Variants in ANKRD44 observed in about 807,000 individuals in gnomAD.
ANKRD44 encodes ankyrin repeat domain 44.
ANKRD44 carries 35 observed loss-of-function variants against 116.0 expected under a neutral mutation model. The ratio of observed to expected loss-of-function variants is 0.30; its 90% CI spans 0.23 to 0.40. ANKRD44 has a LOEUF of 0.40. Among genes scored for constraint, ANKRD44 ranks in the 10% least tolerant of loss-of-function variants. The pLI, the probability that ANKRD44 is intolerant of heterozygous loss-of-function variation, is 1.00. For missense variants in ANKRD44, 1,014 were observed against 1,242.6 expected, an observed-to-expected ratio of 0.82 and a Z score of 2.77; for synonymous variants, 435 against 461.8, an observed-to-expected ratio of 0.94 and a Z score of 0.74.
In ANKRD44 at chr2:197,036,835, C is replaced by G. The variant is rs545749429; in HGVS notation, c.1651-11568G>C. Among the ~76,000 whole-genome samples, 5 of 152,264 alleles carry G rather than the reference C, an allele frequency of 3.3e-5. No individual in the cohort carries two copies. The East Asian group carries it at 7.7e-4, about 24-fold the overall frequency. On this transcript the variant is annotated intron_variant, in intron 16 of 27. Coordinates refer to ENST00000282272, the MANE Select transcript of ANKRD44 (RefSeq NM_001195144.2). ...CCTAAAAATGTTCATATACTTTTGACCTAGTAAACCTACTTCAGAGACTCT... is the reference window on the plus strand; with the variant it reads ...CCTAAAAATGTTCATATACTTTTGAGCTAGTAAACCTACTTCAGAGACTCT...
chr2:197,156,642 A>T (rs2079823625), intron 2 of ANKRD44, among the ~76,000 whole-genome samples: 1 of 152,254 alleles, frequency 6.6e-6, no homozygotes, highest in Admixed American at 6.5e-5. Flanking sequence ...CCATACAGAG[A>T]CTTGCACATG....
rs1378293699 is a variant in ANKRD44, at chr2:197,201,772, C to T, written c.28-14666G>A. Among the ~76,000 whole-genome samples the T allele has an allele frequency of 1.3e-5, 2 of 152,186 alleles. No individual in the cohort carries two copies. The highest frequency in any genetic ancestry group is 2.9e-5 in the Non-Finnish European group (2 of 68,034). On this transcript the variant is annotated intron_variant, in intron 1 of 27. Coordinates refer to ENST00000282272, the MANE Select transcript of ANKRD44 (RefSeq NM_001195144.2). This position sits in a 1 kb window ranked among gnomAD's most constrained non-coding sequence, Gnocchi z 4.0. ...AGGTTTGGGCTTCTAATGATCCCAT[C>T]GCCCAAGTAGTGAACATAGTGCCCC... is the stretch of plus-strand genomic sequence containing the variant.
At chr2:197,008,071 T>C (rs1574263687) in intron 19 of ANKRD44, 148 bp from the exon 20 acceptor site, 1 of 619,646 alleles carries the variant, frequency 1.6e-6, no homozygotes, top group Admixed American at 2.7e-5. Context: ...CAGTTTGCTA[T>C]ACAATATGCA....
At chr2:197,205,630 G>C (rs989372934) in intron 1 of ANKRD44, among the ~76,000 whole-genome samples, 3 of 152,190 alleles carry the variant, frequency 2.0e-5, no homozygotes, top group Non-Finnish European at 4.4e-5. Context: ...TTCTCCAAGT[G>C]CCGATGGTGG....
chr2:197,175,273 T>G (rs929293481), intron 2 of ANKRD44, among the ~76,000 whole-genome samples: 1 of 152,144 alleles, frequency 6.6e-6, no homozygotes, highest in Admixed American at 6.5e-5. Context: ...AACCATTAGG[T>G]TATGCATGCT....
At position 197,013,577 on chromosome 2, in the gene ANKRD44, T is replaced by C; in HGVS notation, c.1858A>G (p.Ile620Val). ...ACAAAGATGGATGCGCCCTGATTGA[T>C]AAGCGCTTCCACACATTCTGTGTGT... ...KGHTECVEAL[I>V]NQGASIFVKD... Residue 620 changes from isoleucine (I) to valine (V), a missense_variant, in exon 18 of 28, where the codon ATC becomes GTC. By Grantham distance (29) the Ile-to-Val change is conservative. Transcript: ENST00000282272. The C allele has an allele frequency of 6.2e-7, 1 of 1,614,228 alleles. No homozygotes were observed. Among genetic ancestry groups the C allele is most frequent in the Non-Finnish European group, 8.5e-7 (1 of 1,180,036 alleles).
At chr2:197,090,084 G>T in intron 10 of ANKRD44, 52 bp from the exon 11 acceptor site, 1 of 1,372,616 alleles carries the variant, frequency 7.3e-7, no homozygotes, top group Non-Finnish European at 1.0e-6. Context: ...CAAGATACAT[G>T]CGGAAGGACA....
chr2:197,288,922 T>G (rs114307097), intron 1 of ANKRD44, among the ~76,000 whole-genome samples: 2,278 of 152,120 alleles, frequency 0.015, 56 homozygotes, highest in African/African-American at 0.052. Context: ...GAGGAGGATA[T>G]GAAGAGAGGT....
At chr2:197,137,943 G>C (rs2079260274) in intron 3 of ANKRD44, among the ~76,000 whole-genome samples, 1 of 152,118 alleles carries the variant, frequency 6.6e-6, no homozygotes, top group African/African-American at 2.4e-5. Flanking sequence ...GGCATCTCTG[G>C]CCTCAGTAAC....
intron 16 of ANKRD44, among the ~76,000 whole-genome samples, chr2:197,045,997 A>G (rs1006350972): frequency 3.3e-5 from 5 of 152,252 alleles, no homozygotes; most frequent in Non-Finnish European, 7.3e-5. Context: ...TACTAGTCAT[A>G]TAACATCCTA....
At chr2:197,205,657 G>C (rs1387955210) in intron 1 of ANKRD44, among the ~76,000 whole-genome samples, 2 of 152,176 alleles carry the variant, frequency 1.3e-5, no homozygotes, top group African/African-American at 2.4e-5. Context: ...CAATGCATTA[G>C]GTGGCAAGGA....
At chr2:197,010,919 A>G (rs906292333) in intron 18 of ANKRD44, among the ~76,000 whole-genome samples, 1 of 152,218 alleles carries the variant, frequency 6.6e-6, no homozygotes, top group African/African-American at 2.4e-5. Flanking sequence ...GGGACAATAC[A>G]TACATACTGG....
chr2:197,191,975 C>G (rs2080834878), intron 1 of ANKRD44, among the ~76,000 whole-genome samples: 1 of 152,170 alleles, frequency 6.6e-6, no homozygotes, highest in Non-Finnish European at 1.5e-5. Context: ...AAATATGCTA[C>G]TGATGTCATC....
chr2:197,077,607 C>T (rs1292991941), intron 16 of ANKRD44, among the ~76,000 whole-genome samples: 4 of 152,106 alleles, frequency 2.6e-5, no homozygotes, highest in Non-Finnish European at 5.9e-5. Flanking sequence ...GGGATGCATT[C>T]CAAAATAGGA....
At chr2:197,222,070 A>T (rs1406951421) in intron 1 of ANKRD44, among the ~76,000 whole-genome samples, 2 of 152,254 alleles carry the variant, frequency 1.3e-5, no homozygotes, top group Non-Finnish European at 2.9e-5. Flanking sequence ...ATTCTGCTAT[A>T]GCTAAGAACA....
chr2:196,988,728 C>T lies in ANKRD44; in HGVS notation c.*863G>A. 11 of 985,372 alleles carry T rather than the reference C, an allele frequency of 1.1e-5. No homozygotes were observed. Among genetic ancestry groups the T allele is most frequent in the Non-Finnish European group, 1.3e-5 (11 of 829,930 alleles). 61.0% of individuals were successfully genotyped at this position (985,372 alleles called of 1,614,324 possible). ...GTCAGAGAGTACTGCTCTAATTCGA[C>T]ACATTTCTTTTCTGTCTCTTCCTCA... is the stretch of plus-strand genomic sequence containing the variant. On this transcript the variant is annotated 3_prime_UTR_variant, in exon 28 of 28. Coordinates refer to ENST00000282272, the MANE Select transcript of ANKRD44 (RefSeq NM_001195144.2).
chr2:197,260,280 G>A (rs921509738), intron 1 of ANKRD44, among the ~76,000 whole-genome samples: 1 of 152,016 alleles, frequency 6.6e-6, no homozygotes, highest in Admixed American at 6.6e-5. Flanking sequence ...TCCCCTTCCT[G>A]TGTCCATGTG....
intron 2 of ANKRD44, among the ~76,000 whole-genome samples, chr2:197,164,312 CTGG>C (rs1190707587): frequency 4.6e-5 from 7 of 152,214 alleles, no homozygotes; most frequent in Non-Finnish European, 1.0e-4. Flanking sequence ...TGACCCCTCT[CTGG>C]CAGCACAAGG....
At chr2:197,144,316 C>T (rs756834493) in intron 3 of ANKRD44, among the ~76,000 whole-genome samples, 23 of 152,220 alleles carry the variant, frequency 1.5e-4, no homozygotes, top group Admixed American at 2.6e-4. Context: ...CTGGCAAGGC[C>T]GAATTATTTG....
Sources: gnomAD v4.1 joint callset for allele counts (sites outside exome capture counted in the v4.1 genomes callset) on GRCh38, gnomAD v4.1.1 for gene constraint, Gnocchi (gnomAD v3.1) non-coding constraint, MANE v1.5 for transcripts, NCBI Gene and HGNC (gene_info 2026-07-23, HGNC 2026-07-21) for gene names.